Variants in DLGAP2 observed in about 807,000 individuals in gnomAD.
DLGAP2 encodes disks large-associated protein 2.
DLGAP2 carries 26 observed loss-of-function variants against 100.3 expected under a neutral mutation model. The observed-to-expected ratio is 0.26, with a 90% CI of 0.19 to 0.36. The LOEUF (loss-of-function observed/expected upper bound fraction) is 0.36, where lower values mean the gene tolerates loss of function less well. Among genes scored for constraint, DLGAP2 ranks in the 10% least tolerant of loss-of-function variants. DLGAP2 has a pLI of 1.00. For missense variants in DLGAP2, 1,858 were observed against 1,453.2 expected, an observed-to-expected ratio of 1.28 and a Z score of -4.53; for synonymous variants, 886 against 630.1, an observed-to-expected ratio of 1.41 and a Z score of -6.08.
intron 1 of DLGAP2, among the ~76,000 whole-genome samples, chr8:828,878 A>T (rs961639181): frequency 1.3e-5 from 2 of 152,212 alleles, no homozygotes; most frequent in Non-Finnish European, 1.5e-5. Flanking sequence ...ACTTCCCACA[A>T]CAATTTATTA....
At chr8:1,271,735 G>A (rs138552706) in intron 3 of DLGAP2, among the ~76,000 whole-genome samples, 566 of 152,360 alleles carry the variant, frequency 3.7e-3, no homozygotes, top group African/African-American at 0.013. Context: ...AATGTTGGTT[G>A]AAGGCTACAA....
chr8:1,026,548 G>T (rs1801806062), intron 2 of DLGAP2, among the ~76,000 whole-genome samples: 1 of 152,106 alleles, frequency 6.6e-6, no homozygotes. Context: ...TTTCTTTGCA[G>T]GTTGTCTTAT....
intron 2 of DLGAP2, among the ~76,000 whole-genome samples, chr8:950,527 G>T (rs1002193490): frequency 1.3e-5 from 2 of 151,892 alleles, no homozygotes; most frequent in Non-Finnish European, 2.9e-5. Flanking sequence ...TTAGTAAATT[G>T]TAAGAGCGAA....
chr8:1,442,962 C>T (rs1797880866), intron 3 of DLGAP2, among the ~76,000 whole-genome samples: 1 of 152,220 alleles, frequency 6.6e-6, no homozygotes, highest in Admixed American at 6.5e-5. Flanking sequence ...GCAAGCAAAA[C>T]TTATTTGCTT....
chr8:836,031 C>T (rs1486560406), intron 1 of DLGAP2, among the ~76,000 whole-genome samples: 3 of 152,216 alleles, frequency 2.0e-5, no homozygotes, highest in African/African-American at 7.2e-5. Flanking sequence ...TGAATGGATC[C>T]GCACTTAACT....
At chr8:898,418 G>A (rs1267165152) in intron 1 of DLGAP2, among the ~76,000 whole-genome samples, 1 of 152,220 alleles carries the variant, frequency 6.6e-6, no homozygotes, top group East Asian at 1.9e-4. Context: ...CCGGGGCAGC[G>A]ATGTTTGGTG....
chr8:1,235,121 GTCGTGTCTGCTTCCC>G (rs1798618732), intron 2 of DLGAP2, among the ~76,000 whole-genome samples: 1 of 27,104 alleles, frequency 3.7e-5, no homozygotes, highest in Admixed American at 4.3e-4. Flanking sequence ...CACACATGGC[GTCGTGTCTGCTTCCC>G]TCACACGTGG....
chr8:1,131,604 C>T (rs1291504398), intron 2 of DLGAP2, among the ~76,000 whole-genome samples: 8 of 152,142 alleles, frequency 5.3e-5, no homozygotes, highest in East Asian at 3.9e-4. Context: ...TAGGGGGACA[C>T]GAACACCTGC....
chr8:1,250,287 G>T (rs1799009613), intron 2 of DLGAP2: 1 of 152,234 alleles, frequency 6.6e-6, no homozygotes, highest in Admixed American at 6.5e-5. Context: ...AGGCTGAGCT[G>T]TGAGCTCACA....
intron 3 of DLGAP2, among the ~76,000 whole-genome samples, chr8:1,365,458 G>C (rs998751791): frequency 2.0e-5 from 3 of 152,150 alleles, no homozygotes; most frequent in Non-Finnish European, 4.4e-5. Flanking sequence ...AATCCACAGG[G>C]CTCACTCCTA....
chr8:1,310,018 C>T (rs573605459), intron 3 of DLGAP2, among the ~76,000 whole-genome samples: 17 of 145,302 alleles, frequency 1.2e-4, no homozygotes, highest in Non-Finnish European at 2.2e-4. Context: ...TCATTTGAAC[C>T]ACTGTATACC....
chr8:1,575,882 G>T (rs1371321188), intron 6 of DLGAP2, among the ~76,000 whole-genome samples: 2 of 151,970 alleles, frequency 1.3e-5, no homozygotes, highest in Non-Finnish European at 2.9e-5. Flanking sequence ...GGACATTTGG[G>T]TTGGTTCCAA....
At chr8:853,454 C>T (rs571282538) in intron 1 of DLGAP2, among the ~76,000 whole-genome samples, 1 of 152,364 alleles carries the variant, frequency 6.6e-6, no homozygotes, top group South Asian at 2.1e-4. Context: ...GTGGTATAAA[C>T]ATCATCTGCA....
At chr8:865,796 T>G (rs1175855171) in intron 1 of DLGAP2, among the ~76,000 whole-genome samples, 1 of 152,168 alleles carries the variant, frequency 6.6e-6, no homozygotes, top group Middle Eastern at 3.2e-3. Flanking sequence ...ACATTCCAGC[T>G]CATTGGATGG....
At chr8:1,175,252 A>C (rs1797228770) in intron 2 of DLGAP2, among the ~76,000 whole-genome samples, 1 of 152,120 alleles carries the variant, frequency 6.6e-6, no homozygotes. Flanking sequence ...TTTAAAAAAA[A>C]AACCTAAGAA....
chr8:1,350,256 G>GAC (rs1801680677), intron 3 of DLGAP2, among the ~76,000 whole-genome samples: 10 of 103,178 alleles, frequency 9.7e-5, no homozygotes, highest in Admixed American at 1.0e-4. Flanking sequence ...TGCGGGTCCT[G>GAC]AGCATGTGTG....
intron 2 of DLGAP2, among the ~76,000 whole-genome samples, chr8:948,310 C>A (rs1584915152): frequency 6.6e-6 from 1 of 152,356 alleles, no homozygotes; most frequent in South Asian, 2.1e-4. Flanking sequence ...CCTGGCTCCT[C>A]ATGCGTGTCG....
chr8:1,222,043 C>A (rs937598196), intron 2 of DLGAP2, among the ~76,000 whole-genome samples: 1 of 152,230 alleles, frequency 6.6e-6, no homozygotes, highest in Non-Finnish European at 1.5e-5. Context: ...GAATCTTGAG[C>A]TTCTGTGCCA....
chr8:1,459,294 A>G (rs570109417), intron 3 of DLGAP2, among the ~76,000 whole-genome samples: 9 of 149,114 alleles, frequency 6.0e-5, no homozygotes, highest in Non-Finnish European at 8.9e-5. Context: ...TCACCCTACA[A>G]GACCAGCGTG....
Sources: allele counts gnomAD v4.1 joint callset (sites outside exome capture counted in the v4.1 genomes callset), GRCh38; gene constraint gnomAD v4.1.1; transcripts MANE v1.5; gene names NCBI Gene and HGNC (gene_info 2026-07-23, HGNC 2026-07-21).